Variants in GNAQ observed in about 807,000 individuals in gnomAD.
The protein encoded by GNAQ is guanine nucleotide-binding protein G(q) subunit alpha.
In GNAQ, 8 loss-of-function variants were observed where a neutral mutation model predicts 43.9. That is an observed-to-expected ratio of 0.18 (90% CI 0.11 to 0.33). GNAQ has a LOEUF of 0.33. Ranked by LOEUF, GNAQ falls within the 10% of genes least tolerant of loss-of-function variation. The pLI, the probability that GNAQ is intolerant of heterozygous loss-of-function variation, is 1.00. For synonymous variants in GNAQ, 155 were observed against 170.7 expected (o/e 0.91, Z 0.71); for missense variants, 158 against 450.8 (o/e 0.35, Z 5.88).
At chr9:77,870,968 A>G (rs1268565955) in intron 2 of GNAQ, among the ~76,000 whole-genome samples, 1 of 152,210 alleles carries the variant, frequency 6.6e-6, no homozygotes, top group Non-Finnish European at 1.5e-5. Context: ...ATGGGAGACT[A>G]ACTGTAATGA....
chr9:77,772,009 G>C (rs1190043133), intron 5 of GNAQ, among the ~76,000 whole-genome samples: 1 of 152,118 alleles, frequency 6.6e-6, no homozygotes, highest in Non-Finnish European at 1.5e-5. Context: ...GCCTGGACTG[G>C]AGTGAAGAAT....
At chr9:77,948,209 A>T (rs1822928416) in intron 1 of GNAQ, among the ~76,000 whole-genome samples, 1 of 152,254 alleles carries the variant, frequency 6.6e-6, no homozygotes, top group African/African-American at 2.4e-5. Flanking sequence ...TAAACAATTA[A>T]CAAAATAGTG....
At chr9:77,744,024 C>T (rs1185140825) in intron 5 of GNAQ, among the ~76,000 whole-genome samples, 1 of 152,184 alleles carries the variant, frequency 6.6e-6, no homozygotes, top group Non-Finnish European at 1.5e-5. Context: ...CATACATAGT[C>T]TAAATTACCC....
At chr9:77,885,668 T>C (rs1828290796) in intron 2 of GNAQ, among the ~76,000 whole-genome samples, 1 of 152,012 alleles carries the variant, frequency 6.6e-6, no homozygotes, top group South Asian at 2.1e-4. Context: ...TCAGTACGGA[T>C]GGAAAGAAAA....
chr9:77,751,815 C>CA (rs532527348), intron 5 of GNAQ, among the ~76,000 whole-genome samples: 21 of 150,066 alleles, frequency 1.4e-4, no homozygotes, highest in Non-Finnish European at 2.4e-4. Flanking sequence ...AACAAACAAA[C>CA]AAAAAAAACA....
In GNAQ at chr9:77,865,878, A is replaced by G. The variant is rs79082641; in HGVS notation, c.322-50108T>C. Among the ~76,000 whole-genome samples the G allele has an allele frequency of 7.8e-3, 1,184 of 152,350 alleles. 12 individuals are homozygous for G. The highest frequency in any genetic ancestry group is 0.027 in the African/African-American group (1,129 of 41,576). Reference sequence around the variant, plus strand: ...ATAATTAGTTGTAGCAATGCTCACTAAAGCTTTCACTGAGTCAATGGTTAC... The same window carrying G: ...ATAATTAGTTGTAGCAATGCTCACTGAAGCTTTCACTGAGTCAATGGTTAC... On this transcript the variant is annotated intron_variant, in intron 2 of 6. Transcript: ENST00000286548.
intron 3 of GNAQ, among the ~76,000 whole-genome samples, chr9:77,809,176 C>T (rs576958533): frequency 5.3e-5 from 8 of 152,256 alleles, no homozygotes; most frequent in African/African-American, 1.7e-4. Flanking sequence ...TGCCAAAAAG[C>T]CAATCTACTC....
chr9:78,005,513 G>T (rs1564176086), intron 1 of GNAQ, among the ~76,000 whole-genome samples: 1 of 152,200 alleles, frequency 6.6e-6, no homozygotes, highest in Non-Finnish European at 1.5e-5. Flanking sequence ...AAATAACTGA[G>T]CGTTCTATGT....
chr9:77,866,200 G>A (rs1018937109), intron 2 of GNAQ, among the ~76,000 whole-genome samples: 8 of 152,156 alleles, frequency 5.3e-5, no homozygotes, highest in South Asian at 2.1e-4. Flanking sequence ...AATTTAGGCC[G>A]GGTGTGGTGG....
chr9:77,815,016 G>A (rs1014349082), intron 3 of GNAQ, among the ~76,000 whole-genome samples: 1 of 152,136 alleles, frequency 6.6e-6, no homozygotes, highest in Non-Finnish European at 1.5e-5. Context: ...CCCAGGACAT[G>A]AGTCTGACTG....
rs893619209 is a variant in GNAQ, at chr9:77,760,238, G to A, written c.736-31571C>T. 3.6e-4 allele frequency among the ~76,000 whole-genome samples: 21 copies of A among 58,634 alleles called. 1 individual carries two copies. In the South Asian group the frequency reaches 4.5e-3, roughly 12 times the overall value. The allele number at this position is 58,634 out of a possible 152,430, so 38.5% of individuals were successfully genotyped here. On this transcript the variant is annotated intron_variant, in intron 5 of 6. Transcript: ENST00000286548. ...TGGACTTCCCTCTCCCTCTCCCCACGGTCTCCCTCTGATGCCGAGCCGAAG... is the reference window on the plus strand; with the variant it reads ...TGGACTTCCCTCTCCCTCTCCCCACAGTCTCCCTCTGATGCCGAGCCGAAG...
rs1828545686 is a variant in GNAQ at position 77,898,791 on chromosome 9, TATCC to T, written c.321+23366_321+23369del. 3.9e-5 allele frequency among the ~76,000 whole-genome samples: 6 copies of T among 152,342 alleles called. No homozygotes were observed. In the South Asian group the frequency reaches 1.2e-3, roughly 32 times the overall value. Reference sequence around the variant, plus strand: ...ATAAACTGCTATTAAGAATTTATTATATCCATCTAGTATTTTTTACAACATATAC... The same window carrying T: ...ATAAACTGCTATTAAGAATTTATTATATCTAGTATTTTTTACAACATATAC... On this transcript the variant is annotated intron_variant, in intron 2 of 6. Transcript: ENST00000286548.
chr9:77,984,785 A>G (rs1260904163), intron 1 of GNAQ, among the ~76,000 whole-genome samples: 1 of 152,196 alleles, frequency 6.6e-6, no homozygotes, highest in Non-Finnish European at 1.5e-5. Context: ...CACAGAGCAG[A>G]GCCAGAGAGA....
Position 77,719,264 on chromosome 9 carries a change from T to C in GNAQ, c.*2059A>G, listed in dbSNP as rs1209082582. ...GCTATAGACATACAATACAATTACATAGATACATATCAATACAGCACATTC... is the reference window on the plus strand; with the variant it reads ...GCTATAGACATACAATACAATTACACAGATACATATCAATACAGCACATTC... On this transcript the variant is annotated 3_prime_UTR_variant, in exon 7 of 7. Transcript: ENST00000286548. 1 of 232,362 alleles carries C rather than the reference T, an allele frequency of 4.3e-6. No individual in the cohort carries two copies. Among genetic ancestry groups the C allele is most frequent in the Non-Finnish European group, 8.5e-6 (1 of 117,596 alleles). 14.4% of individuals were successfully genotyped at this position (232,362 alleles called of 1,614,324 possible).
intron 2 of GNAQ, among the ~76,000 whole-genome samples, chr9:77,874,477 C>T (rs1016267733): frequency 1.7e-4 from 26 of 152,174 alleles, no homozygotes; most frequent in African/African-American, 5.8e-4. Flanking sequence ...ATACTAGGAG[C>T]TTCAAAAGAA....
At position 77,777,959 on chromosome 9, in the gene GNAQ, T is replaced by C. The variant is rs118110409; in HGVS notation, c.735+16504A>G. On this transcript the variant is annotated intron_variant, in intron 5 of 6. Transcript: ENST00000286548. ...CTACCAAATGATCCAGGAATTCTAC[T>C]CCCAGGAATACACCCAAGAGAAGAG... is the stretch of plus-strand genomic sequence containing the variant. 1.3e-4 allele frequency among the ~76,000 whole-genome samples: 19 copies of C among 151,998 alleles called. No individual in the cohort carries two copies. In the East Asian group the frequency reaches 3.7e-3, roughly 29 times the overall value.
chr9:77,973,014 GAA>G lies in GNAQ; in HGVS notation c.137-50671_137-50670del, dbSNP rs10541482. Among the ~76,000 whole-genome samples, 411 of 114,680 alleles carry G rather than the reference GAA, an allele frequency of 3.6e-3. 3 individuals carry two copies. The highest frequency in any genetic ancestry group is 9.4e-3 in the African/African-American group (293 of 31,210). The allele number at this position is 114,680 out of a possible 152,430, so 75.2% of individuals were successfully genotyped here. ...AGGAGAAGACATTTAAAAAAGAAAG[GAA>G]AAAAAAAAAAAAACAAGACATACCA... On this transcript the variant is annotated intron_variant, in intron 1 of 6. Transcript: ENST00000286548.
intron 2 of GNAQ, among the ~76,000 whole-genome samples, chr9:77,904,317 C>CTTTTT (rs554783626): frequency 0.036 from 2,805 of 77,412 alleles, 428 homozygotes; most frequent in East Asian, 0.086. Flanking sequence ...TTCACACCGG[C>CTTTTT]TTTTTTTTTT....
chr9:77,869,680 T>G (rs1828005650), intron 2 of GNAQ, among the ~76,000 whole-genome samples: 1 of 152,220 alleles, frequency 6.6e-6, no homozygotes, highest in Admixed American at 6.5e-5. Context: ...AAAATACTCC[T>G]TAATTTGGCC....
Sources: gnomAD v4.1 joint callset for allele counts (sites outside exome capture counted in the v4.1 genomes callset) on GRCh38, gnomAD v4.1.1 for gene constraint, MANE v1.5 for transcripts, NCBI Gene and HGNC (gene_info 2026-07-23, HGNC 2026-07-21) for gene names.